Variants in IGSF21 observed in about 807,000 individuals in gnomAD.
IGSF21 encodes immunoglobin superfamily member 21, also known as immunoglobulin superfamily member 21.
IGSF21 carries 28 observed loss-of-function variants against 46.8 expected under a neutral mutation model. The observed-to-expected ratio is 0.60, with a 90% confidence interval of 0.44 to 0.82. The LOEUF (loss-of-function observed/expected upper bound fraction) is 0.82. Ranked by LOEUF, IGSF21 falls within the 40% of genes least tolerant of loss-of-function variation. IGSF21 has a pLI of 0.00. For synonymous variants in IGSF21, 284 were observed against 273.6 expected (o/e 1.04, Z -0.38); for missense variants, 624 against 665.5 (o/e 0.94, Z 0.69).
At chr1:18,252,018 T>C (rs899064670) in intron 2 of IGSF21, among the ~76,000 whole-genome samples, 1 of 149,092 alleles carries the variant, frequency 6.7e-6, no homozygotes, top group Non-Finnish European at 1.5e-5. Flanking sequence ...ACAAGGTCAA[T>C]AGGCTGGAAC....
intron 3 of IGSF21, among the ~76,000 whole-genome samples, chr1:18,315,902 TG>T (rs1401918887): frequency 6.6e-6 from 1 of 151,946 alleles, no homozygotes; most frequent in Non-Finnish European, 1.5e-5. Flanking sequence ...GATGGGTGGA[TG>T]GATGGATGGA....
At chr1:18,350,865 C>T (rs1185257838) in intron 4 of IGSF21, among the ~76,000 whole-genome samples, 1 of 152,156 alleles carries the variant, frequency 6.6e-6, no homozygotes, top group Admixed American at 6.5e-5. Context: ...TGAAGGAAAG[C>T]TCTGAGCCAG....
At position 18,336,873 on chromosome 1, in the gene IGSF21, A is replaced by T. The variant is rs191435131; in HGVS notation, c.424+1863A>T. On this transcript the variant is annotated intron_variant, in intron 4 of 9. Transcript: ENST00000251296. ...TCACAATCGCGGTGGAAGGTGAAAGACACATCTCACATGGTGGAAGACAAG... is the reference window on the plus strand; with the variant it reads ...TCACAATCGCGGTGGAAGGTGAAAGTCACATCTCACATGGTGGAAGACAAG... Among the ~76,000 whole-genome samples, 13 of 152,332 alleles carry T rather than the reference A, an allele frequency of 8.5e-5. No individual in the cohort carries two copies. In the East Asian group the frequency reaches 2.1e-3, roughly 25 times the overall value.
At position 18,186,650 on chromosome 1, in the gene IGSF21, T is replaced by C. The variant is rs947272990; in HGVS notation, c.71-41248T>C. On this transcript the variant is annotated intron_variant, in intron 1 of 9. Coordinates refer to ENST00000251296, the MANE Select transcript of IGSF21 (RefSeq NM_032880.5). The stretch of plus-strand genomic sequence containing the variant: ...TATTTAAAAAACACTCATCTGATCG[T>C]CCCCCAATTCTTTGTTGGCTTCCCT... Among the ~76,000 whole-genome samples the C allele has an allele frequency of 8.5e-5, 13 of 152,286 alleles. 1 individual carries two copies. The highest frequency in any genetic ancestry group is 4.6e-4 in the Admixed American group (7 of 15,300).
At chr1:18,206,907 A>G (rs1204664695) in intron 1 of IGSF21, among the ~76,000 whole-genome samples, 1 of 152,248 alleles carries the variant, frequency 6.6e-6, no homozygotes, top group East Asian at 1.9e-4. Flanking sequence ...CACACTTAGC[A>G]GTTTACAACA....
intron 2 of IGSF21, 101 bp downstream of exon 2, chr1:18,228,111 C>T: frequency 2.3e-6 from 2 of 883,898 alleles, no homozygotes; most frequent in South Asian, 2.9e-5. Context: ...TGACCTCAGC[C>T]CTGACCCAGT....
Position 18,336,595 on chromosome 1 carries a change from C to T in IGSF21, c.424+1585C>T, listed in dbSNP as rs1048329737. On this transcript the variant is annotated intron_variant, in intron 4 of 9. Transcript: ENST00000251296. Reference sequence around the variant, plus strand: ...ATTGCTGGAGGCAGTGAAGACACTGCGCTAAGGCCTCAATCTAAGGTGCCT... The same window carrying T: ...ATTGCTGGAGGCAGTGAAGACACTGTGCTAAGGCCTCAATCTAAGGTGCCT... Among the ~76,000 whole-genome samples, 22 of 152,132 alleles carry T rather than the reference C, an allele frequency of 1.4e-4. No individual in the cohort carries two copies. In the East Asian group the frequency reaches 1.9e-3, roughly 13 times the overall value.
intron 1 of IGSF21, among the ~76,000 whole-genome samples, chr1:18,184,501 T>G (rs931021479): frequency 3.3e-5 from 5 of 152,208 alleles, no homozygotes; most frequent in African/African-American, 9.7e-5. Flanking sequence ...CGAATGAGAT[T>G]CAAATGAGAC....
intron 1 of IGSF21, among the ~76,000 whole-genome samples, chr1:18,141,310 A>G (rs915703751): frequency 3.3e-5 from 5 of 152,186 alleles, no homozygotes; most frequent in Non-Finnish European, 7.3e-5. Context: ...TTATTATGTA[A>G]TGAGGTGAAT....
At position 18,376,946 on chromosome 1, in the gene IGSF21, G is replaced by T; in HGVS notation, c.1248G>T (p.Gln416His). The T allele has an allele frequency of 6.2e-7, 1 of 1,607,202 alleles. No individual in the cohort carries two copies. Among genetic ancestry groups the T allele is most frequent in the Non-Finnish European group, 8.5e-7 (1 of 1,174,402 alleles). The change falls in exon 8 of 10, where the codon CAG becomes CAT. Residue 416 changes from glutamine (Q) to histidine (H), a missense_variant. Coordinates refer to ENST00000251296, the MANE Select transcript of IGSF21 (RefSeq NM_032880.5). ...GCTCCATGTATCGCTGCACCGCCCAGAACCCACTGGGCTCCACCGACACGC... is the reference window on the plus strand; with the variant it reads ...GCTCCATGTATCGCTGCACCGCCCATAACCCACTGGGCTCCACCGACACGC... ...LNGSMYRCTA[Q>H]NPLGSTDTHT...
intron 2 of IGSF21, among the ~76,000 whole-genome samples, chr1:18,257,476 G>A (rs1173766748): frequency 6.6e-6 from 1 of 152,064 alleles, no homozygotes; most frequent in Non-Finnish European, 1.5e-5. Context: ...AACTGTATAG[G>A]TACTTTCCCC....
At chr1:18,254,861 TCCA>T (rs2084875728) in intron 2 of IGSF21, among the ~76,000 whole-genome samples, 1 of 32,114 alleles carries the variant, frequency 3.1e-5, no homozygotes, top group African/African-American at 1.6e-4. Flanking sequence ...CATCCATTCA[TCCA>T]TCCATCCATC....
chr1:18,180,925 G>T (rs903106146), intron 1 of IGSF21, among the ~76,000 whole-genome samples: 2 of 152,176 alleles, frequency 1.3e-5, no homozygotes, highest in Admixed American at 1.3e-4. Flanking sequence ...AGACATTGGA[G>T]TTGGGGACAC....
intron 1 of IGSF21, among the ~76,000 whole-genome samples, chr1:18,134,800 C>G (rs1317244168): frequency 6.6e-6 from 1 of 152,212 alleles, no homozygotes; most frequent in South Asian, 2.1e-4. Context: ...GTGGCTGGCT[C>G]CTCCCCGACT....
At chr1:18,208,777 G>A (rs2084361098) in intron 1 of IGSF21, among the ~76,000 whole-genome samples, 1 of 151,912 alleles carries the variant, frequency 6.6e-6, no homozygotes, top group East Asian at 1.9e-4. Context: ...AATAGTACAT[G>A]GAAGGAATAA....
At chr1:18,312,653 C>T (rs550727574) in intron 3 of IGSF21, among the ~76,000 whole-genome samples, 5 of 152,276 alleles carry the variant, frequency 3.3e-5, no homozygotes, top group African/African-American at 7.2e-5. Flanking sequence ...CATCCCCTCC[C>T]GCTCCGACCC....
chr1:18,252,534 G>T (rs1369956252), intron 2 of IGSF21, among the ~76,000 whole-genome samples: 1 of 152,210 alleles, frequency 6.6e-6, no homozygotes, highest in Non-Finnish European at 1.5e-5. Flanking sequence ...CAGGGCCCAG[G>T]TCTATGTGCC....
At chr1:18,115,437 G>C in intron 1 of IGSF21, 1 of 152,246 alleles carries the variant, frequency 6.6e-6, no homozygotes, top group East Asian at 1.9e-4. Flanking sequence ...CCTGGCACCA[G>C]GCCTGGCTCT....
chr1:18,240,420 C>T (rs145190364), intron 2 of IGSF21, among the ~76,000 whole-genome samples: 180 of 152,306 alleles, frequency 1.2e-3, no homozygotes, highest in African/African-American at 4.1e-3. Flanking sequence ...TTGTGGTCAC[C>T]GCTTTGACAG....
Sources: gnomAD v4.1 joint callset for allele counts (sites outside exome capture counted in the v4.1 genomes callset) on GRCh38, gnomAD v4.1.1 for gene constraint, MANE v1.5 for transcripts, NCBI Gene and HGNC (gene_info 2026-07-23, HGNC 2026-07-21) for gene names.